GPR158: variants seen among roughly 807,000 people sequenced by gnomAD.
GPR158 encodes G protein-coupled receptor 158, also known as metabotropic glycine receptor.
GPR158 carries 30 observed loss-of-function variants against 78.2 expected under a neutral mutation model. That is an observed-to-expected ratio of 0.38 (90% CI 0.29 to 0.52). The LOEUF (loss-of-function observed/expected upper bound fraction) is 0.52, where lower values mean the gene tolerates loss of function less well. Among genes scored for constraint, GPR158 ranks in the 20% least tolerant of loss-of-function variants. GPR158 has a pLI of 0.83. For synonymous variants in GPR158, 581 were observed against 591.1 expected, an observed-to-expected ratio of 0.98 and a Z score of 0.25; for missense variants, 1,463 against 1,523.5, an observed-to-expected ratio of 0.96 and a Z score of 0.66.
intron 2 of GPR158, among the ~76,000 whole-genome samples, chr10:25,392,652 A>G (rs1834316021): frequency 6.6e-6 from 1 of 152,170 alleles, no homozygotes; most frequent in South Asian, 2.1e-4. Context: ...GTTGAGCATC[A>G]CTATATTTAC....
Position 25,175,199 on chromosome 10 carries a change from G to C in GPR158, c.-222G>C. The C allele has an allele frequency of 2.1e-6, 1 of 481,488 alleles. No individual in the cohort carries two copies. Among genetic ancestry groups the C allele is most frequent in the East Asian group, 3.4e-5 (1 of 29,770 alleles). 29.8% of individuals were successfully genotyped at this position (481,488 alleles called of 1,614,324 possible). A position where few individuals can be genotyped will look rare whatever the true frequency, so the allele number is the denominator to read the frequency against. ...TCCCCAGCCGGCCCCTCGCGCAGCGGGCACGGCCAGCGCTGCCACAGGTGA... is the reference window on the plus strand; with the variant it reads ...TCCCCAGCCGGCCCCTCGCGCAGCGCGCACGGCCAGCGCTGCCACAGGTGA... On this transcript the variant is annotated 5_prime_UTR_variant, in exon 1 of 11. Transcript: ENST00000376351. This position sits in a 1 kb window ranked among gnomAD's most constrained non-coding sequence, Gnocchi z 6.4.
chr10:25,403,537 T>G (rs182842736), intron 3 of GPR158, among the ~76,000 whole-genome samples: 10 of 152,076 alleles, frequency 6.6e-5, no homozygotes, highest in African/African-American at 2.4e-4. Context: ...CTAAGTCTCA[T>G]CTTCAAGGGT....
At chr10:25,219,229 A>G (rs1030359931) in intron 1 of GPR158, among the ~76,000 whole-genome samples, 1 of 152,202 alleles carries the variant, frequency 6.6e-6, no homozygotes, top group South Asian at 2.1e-4. Context: ...TCTACTGTCC[A>G]TTAAACACTT....
intron 5 of GPR158, among the ~76,000 whole-genome samples, chr10:25,518,584 A>T (rs9418489): frequency 4.8e-5 from 1 of 20,742 alleles, no homozygotes; most frequent in African/African-American, 3.7e-4. Context: ...CTTTGTTCTC[A>T]TTGGTTTCAA....
At chr10:25,310,949 C>T (rs191439896) in intron 2 of GPR158, among the ~76,000 whole-genome samples, 63 of 152,028 alleles carry the variant, frequency 4.1e-4, no homozygotes, top group African/African-American at 1.5e-3. Context: ...GTCCTAGCAC[C>T]ATTTATTATT....
intron 5 of GPR158, among the ~76,000 whole-genome samples, chr10:25,543,869 A>T (rs1176351674): frequency 6.6e-6 from 1 of 152,158 alleles, no homozygotes; most frequent in African/African-American, 2.4e-5. Flanking sequence ...AAAACTTCCC[A>T]TGGTTATGAA....
At chr10:25,394,014 T>C (rs1207176880) in intron 2 of GPR158, among the ~76,000 whole-genome samples, 1 of 152,248 alleles carries the variant, frequency 6.6e-6, no homozygotes, top group Non-Finnish European at 1.5e-5. Flanking sequence ...GATGTAGATC[T>C]AAATTTTTGA....
chr10:25,375,483 CTTATAGTTT>C (rs1193192329), intron 2 of GPR158, among the ~76,000 whole-genome samples: 1 of 151,042 alleles, frequency 6.6e-6, no homozygotes, highest in Non-Finnish European at 1.5e-5. Flanking sequence ...TTCTACAATT[CTTATAGTTT>C]TACCTTTTAA....
intron 2 of GPR158, among the ~76,000 whole-genome samples, chr10:25,221,584 A>G (rs1853300408): frequency 6.6e-6 from 1 of 152,156 alleles, no homozygotes; most frequent in Admixed American, 6.6e-5. Context: ...ATGGTGGGGC[A>G]ATTTTGAAAA....
intron 6 of GPR158, among the ~76,000 whole-genome samples, chr10:25,554,435 G>C (rs1836762413): frequency 2.0e-5 from 3 of 151,952 alleles, no homozygotes; most frequent in South Asian, 4.2e-4. Context: ...TTATCACCTG[G>C]GTCTCTCACT....
intron 1 of GPR158, among the ~76,000 whole-genome samples, chr10:25,213,554 T>C (rs1853163966): frequency 1.3e-5 from 2 of 152,124 alleles, no homozygotes; most frequent in South Asian, 4.1e-4. Flanking sequence ...TCTACATGCA[T>C]AGTTAAAAGG....
At chr10:25,597,253 A>T (rs1837420135) in intron 10 of GPR158, among the ~76,000 whole-genome samples, 1 of 152,206 alleles carries the variant, frequency 6.6e-6, no homozygotes, top group Non-Finnish European at 1.5e-5. Context: ...ATTACCCTCT[A>T]AGCCTAATCT....
intron 4 of GPR158, among the ~76,000 whole-genome samples, chr10:25,435,231 G>C (rs1289535223): frequency 6.6e-6 from 1 of 152,108 alleles, no homozygotes; most frequent in Non-Finnish European, 1.5e-5. Flanking sequence ...AATCTTGTAG[G>C]GGTGTAAAGA....
intron 6 of GPR158, among the ~76,000 whole-genome samples, chr10:25,571,827 A>T (rs1391242294): frequency 6.6e-6 from 1 of 151,590 alleles, no homozygotes; most frequent in African/African-American, 2.4e-5. Context: ...TACAGAAAAA[A>T]CTCTTAGTTT....
At chr10:25,385,295 T>A (rs931263026) in intron 2 of GPR158, among the ~76,000 whole-genome samples, 1 of 152,068 alleles carries the variant, frequency 6.6e-6, no homozygotes. Flanking sequence ...GATGATAGAG[T>A]TTCCTTCTCT....
rs867021018 is a variant in GPR158 at position 25,343,113 on chromosome 10, A to G, written c.1009-52798A>G. On this transcript the variant is annotated intron_variant, in intron 2 of 10. Transcript: ENST00000376351. ...TCTTGGTCAAATGGAGATGAGCTTA[A>G]GATGTCTTATAGCCCCTTTTAATCT... 2.6e-4 allele frequency among the ~76,000 whole-genome samples: 39 copies of G among 152,144 alleles called. 1 individual carries two copies. Among genetic ancestry groups the G allele is most frequent in the Middle Eastern group, 3.4e-3 (1 of 294 alleles).
Position 25,362,253 on chromosome 10 carries a change from G to A in GPR158, c.1009-33658G>A, listed in dbSNP as rs542896236. Among the ~76,000 whole-genome samples the A allele has an allele frequency of 2.0e-5, 3 of 152,034 alleles. No homozygotes were observed. In the South Asian group the frequency reaches 6.2e-4, roughly 32 times the overall value. On this transcript the variant is annotated intron_variant, in intron 2 of 10. Coordinates refer to ENST00000376351, the MANE Select transcript of GPR158 (RefSeq NM_020752.3). Reference sequence around the variant, plus strand: ...TTGTGGTCTTGGCATTCTTGTGGAAGATCATTTCATCATTACATGAGGGTT... The same window carrying A: ...TTGTGGTCTTGGCATTCTTGTGGAAAATCATTTCATCATTACATGAGGGTT...
chr10:25,428,042 A>C (rs757386575), intron 4 of GPR158, among the ~76,000 whole-genome samples: 5 of 152,072 alleles, frequency 3.3e-5, no homozygotes, highest in Non-Finnish European at 5.9e-5. Context: ...ATGAGTTGGA[A>C]TATATAAATT....
At chr10:25,457,132 A>G (rs1175000281) in intron 4 of GPR158, among the ~76,000 whole-genome samples, 1 of 120,834 alleles carries the variant, frequency 8.3e-6, no homozygotes, top group Non-Finnish European at 1.7e-5. Flanking sequence ...GCCAGCCACC[A>G]TGCCCACCTT....
Sources: allele counts gnomAD v4.1 joint callset (sites outside exome capture counted in the v4.1 genomes callset), GRCh38; gene constraint gnomAD v4.1.1; non-coding constraint Gnocchi (gnomAD v3.1); transcripts MANE v1.5; gene names NCBI Gene and HGNC (gene_info 2026-07-23, HGNC 2026-07-21).